The following PLXNA4 variants were observed in gnomAD, a reference collection of about 807,000 sequenced individuals.
PLXNA4 encodes the protein plexin-A4.
In PLXNA4, 44 loss-of-function variants were observed where a neutral mutation model predicts 191.8. That is an observed-to-expected ratio of 0.23 (90% CI 0.18 to 0.29). PLXNA4 has a LOEUF of 0.29. Among genes scored for constraint, PLXNA4 ranks in the 10% least tolerant of loss-of-function variants. PLXNA4 has a pLI of 1.00. For missense variants in PLXNA4, 1,800 were observed against 2,488.8 expected, an observed-to-expected ratio of 0.72 and a Z score of 5.89; for synonymous variants, 1,082 against 1,009.5, an observed-to-expected ratio of 1.07 and a Z score of -1.36.
intron 9 of PLXNA4, among the ~76,000 whole-genome samples, chr7:132,222,023 G>T (rs774025238): frequency 4.6e-5 from 7 of 152,114 alleles, no homozygotes; most frequent in South Asian, 2.1e-4. Context: ...GCTTCCAAAG[G>T]CCCCAAGTCA....
intron 3 of PLXNA4, among the ~76,000 whole-genome samples, chr7:132,446,108 G>A (rs1295040687): frequency 1.1e-4 from 16 of 152,240 alleles, no homozygotes; most frequent in Admixed American, 1.0e-3. Flanking sequence ...GAGCACAAGA[G>A]GTAGACTGAC....
rs1794773460 is a variant in PLXNA4, at chr7:132,126,556, A to ACAT, written c.*3920_*3922dup. 1 of 152,396 alleles carries ACAT rather than the reference A, an allele frequency of 6.6e-6. No individual in the cohort carries two copies. Among genetic ancestry groups the ACAT allele is most frequent in the Non-Finnish European group, 1.5e-5 (1 of 68,208 alleles). 9.4% of individuals were successfully genotyped at this position (152,396 alleles called of 1,614,324 possible). On this transcript the variant is annotated 3_prime_UTR_variant, in exon 32 of 32. Transcript: ENST00000321063. Reference sequence around the variant, plus strand: ...GGGGAGGTGGAGATGCTGGGCCAGTACATCAACCTTCACTGCTGGTGGGCG... The same window carrying ACAT: ...GGGGAGGTGGAGATGCTGGGCCAGTACATCATCAACCTTCACTGCTGGTGGGCG...
intron 1 of PLXNA4, among the ~76,000 whole-genome samples, chr7:132,563,119 TCC>T (rs1801392824): frequency 9.7e-6 from 1 of 102,784 alleles, no homozygotes; most frequent in African/African-American, 3.7e-5. Context: ...TCCCTCCTCC[TCC>T]TTCTCCTCCT....
At chr7:132,271,028 G>T (rs1446361345) in intron 4 of PLXNA4, 1 of 152,126 alleles carries the variant, frequency 6.6e-6, no homozygotes, top group African/African-American at 2.4e-5. Context: ...CTATCTAGTG[G>T]AATGTAAGTG....
intron 30 of PLXNA4, 124 bp downstream of exon 30, chr7:132,140,475 A>AT: frequency 7.2e-7 from 1 of 1,388,446 alleles, no homozygotes; most frequent in Non-Finnish European, 9.7e-7. Flanking sequence ...CAGTGGCAGG[A>AT]TTAGGCTTTG....
chr7:132,347,119 C>T (rs994623628), intron 3 of PLXNA4, among the ~76,000 whole-genome samples: 3 of 152,070 alleles, frequency 2.0e-5, no homozygotes, highest in Non-Finnish European at 4.4e-5. Context: ...AGAAAAACTG[C>T]CTGGATTTTT....
intron 3 of PLXNA4, among the ~76,000 whole-genome samples, chr7:132,389,301 G>A (rs552423662): frequency 6.0e-4 from 92 of 152,264 alleles, no homozygotes; most frequent in Non-Finnish European, 1.1e-3. Flanking sequence ...TTTGGCTTTT[G>A]TTGCCATTGC....
chr7:132,448,969 A>G (rs1042342395), intron 3 of PLXNA4, among the ~76,000 whole-genome samples: 2 of 152,246 alleles, frequency 1.3e-5, no homozygotes, highest in African/African-American at 2.4e-5. Flanking sequence ...TAAGATATTA[A>G]TGTTACAACA....
At chr7:132,230,935 C>T (rs1057317874) in intron 5 of PLXNA4, among the ~76,000 whole-genome samples, 1 of 152,176 alleles carries the variant, frequency 6.6e-6, no homozygotes, top group African/African-American at 2.4e-5. Context: ...TATCTCTCTT[C>T]CAGGGGTAGG....
Position 132,276,939 on chromosome 7 carries a change from C to A in PLXNA4, c.1503+21152G>T, listed in dbSNP as rs1044878272. Among the ~76,000 whole-genome samples, 3 of 152,054 alleles carry A rather than the reference C, an allele frequency of 2.0e-5. No homozygotes were observed. In the South Asian group the frequency reaches 6.2e-4, roughly 32 times the overall value. ...ATTGGCATCTGGGGGAGGTGCTGAG[C>A]CCCTAGATGGATTCATCGTGGGGAG... On this transcript the variant is annotated intron_variant, in intron 4 of 31. Coordinates refer to ENST00000321063, the MANE Select transcript of PLXNA4 (RefSeq NM_020911.2).
At chr7:132,615,684 C>T (rs1440170818) in intron 2 of PLXNA4, among the ~76,000 whole-genome samples, 1 of 152,212 alleles carries the variant, frequency 6.6e-6, no homozygotes, top group Non-Finnish European at 1.5e-5. Flanking sequence ...GGAAGTGACG[C>T]TTTTCATGTC....
chr7:132,554,701 A>G (rs1271872342), intron 1 of PLXNA4, among the ~76,000 whole-genome samples: 1 of 152,074 alleles, frequency 6.6e-6, no homozygotes, highest in Non-Finnish European at 1.5e-5. Context: ...GCCCTTACTC[A>G]CCAGTTTAAG....
chr7:132,206,823 G>C (rs1164765490), intron 10 of PLXNA4, among the ~76,000 whole-genome samples: 1 of 152,130 alleles, frequency 6.6e-6, no homozygotes, highest in African/African-American at 2.4e-5. Context: ...ACTCCACTTA[G>C]CATTTATATA....
At chr7:132,177,830 C>T (rs1050155259) in intron 20 of PLXNA4, among the ~76,000 whole-genome samples, 6 of 152,200 alleles carry the variant, frequency 3.9e-5, no homozygotes, top group East Asian at 1.9e-4. Flanking sequence ...TCCCACAAGG[C>T]GGATGCTGTG....
chr7:132,474,747 TC>T (rs1228727103), intron 3 of PLXNA4, among the ~76,000 whole-genome samples: 9 of 152,174 alleles, frequency 5.9e-5, no homozygotes, highest in African/African-American at 1.9e-4. Flanking sequence ...GACCTTCCCC[TC>T]CTCTGCATTT....
chr7:132,618,405 CT>C (rs5887587), intron 2 of PLXNA4, among the ~76,000 whole-genome samples: 6,553 of 152,318 alleles, frequency 0.043, 513 homozygotes, highest in East Asian at 0.27. Flanking sequence ...TTCATTCTGT[CT>C]GTTTACTATT....
chr7:132,352,468 G>A (rs1585025283), intron 3 of PLXNA4: 1 of 152,354 alleles, frequency 6.6e-6, no homozygotes, highest in East Asian at 1.9e-4. Context: ...AGGTGCAGGA[G>A]TTTTTCATGG....
At chr7:132,587,734 G>T (rs1382492211) in intron 2 of PLXNA4, among the ~76,000 whole-genome samples, 4 of 151,862 alleles carry the variant, frequency 2.6e-5, no homozygotes, top group African/African-American at 9.7e-5. Flanking sequence ...GGGACGAAGG[G>T]AAGAGGCAGG....
chr7:132,597,853 C>CTA (rs1269609154), intron 2 of PLXNA4, among the ~76,000 whole-genome samples: 7 of 59,778 alleles, frequency 1.2e-4, no homozygotes, highest in Non-Finnish European at 1.5e-4. Flanking sequence ...CTCTCTCTCT[C>CTA]TCTCTCTATA....
Sources: gnomAD v4.1 joint callset for allele counts (sites outside exome capture counted in the v4.1 genomes callset) on GRCh38, gnomAD v4.1.1 for gene constraint, MANE v1.5 for transcripts, NCBI Gene and HGNC (gene_info 2026-07-23, HGNC 2026-07-21) for gene names.